Variants in SETD4 observed in about 807,000 individuals in gnomAD.
SETD4 encodes SET domain-containing protein 4.
SETD4 carries 46 observed loss-of-function variants against 58.3 expected under a neutral mutation model. The ratio of observed to expected loss-of-function variants is 0.79; its 90% CI spans 0.62 to 1.01. The LOEUF is 1.01. Ranked by LOEUF, SETD4 falls within the 50% of genes least tolerant of loss-of-function variation. The probability of loss-of-function intolerance (pLI) is 0.00; values close to 1 mark genes in which losing one functional copy is unlikely to be tolerated. For missense variants in SETD4, 490 were observed against 523.3 expected, an observed-to-expected ratio of 0.94 and a Z score of 0.62; for synonymous variants, 190 against 202.6, an observed-to-expected ratio of 0.94 and a Z score of 0.53.
In SETD4 at chr21:36,035,651, G is replaced by A. The variant is rs1299335485; in HGVS notation, c.*342C>T. ...CGCCAATCTGCCCCTTAACCCAATG[G>A]TATCAGAGCATCTTAAAAGCACAAC... On this transcript the variant is annotated 3_prime_UTR_variant, in exon 12 of 12. Transcript: ENST00000332131. 4.9e-6 allele frequency: 1 copy of A among 205,270 alleles called. No individual in the cohort carries two copies. 12.7% of individuals were successfully genotyped at this position (205,270 alleles called of 1,614,324 possible).
chr21:36,050,368 T>A (rs2064598153), intron 4 of SETD4: 3 of 1,613,954 alleles, frequency 1.9e-6, no homozygotes, highest in African/African-American at 2.7e-5. Flanking sequence ...GAGGTGGTGC[T>A]GACAATGGAG....
At chr21:36,050,331 C>G in intron 4 of SETD4, 1 of 1,612,968 alleles carries the variant, frequency 6.2e-7, no homozygotes, top group Non-Finnish European at 8.5e-7. Context: ...TGAGGAGGAA[C>G]TGGACTTTAG....
At chr21:36,057,926 A>G (rs1017699572) in intron 2 of SETD4, among the ~76,000 whole-genome samples, 3 of 152,254 alleles carry the variant, frequency 2.0e-5, no homozygotes, top group Non-Finnish European at 4.4e-5. Flanking sequence ...ATCTTGTACC[A>G]TATCCAGTTG....
At chr21:36,050,661 C>G (rs1486259178) in intron 4 of SETD4, 2 of 1,602,264 alleles carry the variant, frequency 1.2e-6, no homozygotes, top group Non-Finnish European at 1.7e-6. Context: ...TGATGAAGCT[C>G]AAGTACCGGA....
intron 3 of SETD4, among the ~76,000 whole-genome samples, chr21:36,056,485 CA>C (rs533020296): frequency 9.5e-4 from 144 of 152,280 alleles, no homozygotes; most frequent in African/African-American, 3.1e-3. Flanking sequence ...GTGGAGTGGC[CA>C]TGTATGCAGG....
At position 36,034,983 on chromosome 21, in the gene SETD4, G is replaced by A. The variant is rs1000470098; in HGVS notation, c.*1010C>T. 1 of 152,210 alleles carries A rather than the reference G, an allele frequency of 6.6e-6. No individual in the cohort carries two copies. Among genetic ancestry groups the A allele is most frequent in the Non-Finnish European group, 1.5e-5 (1 of 68,036 alleles). The allele number at this position is 152,210 out of a possible 1,614,324, so 9.4% of individuals were successfully genotyped here. A position where few individuals can be genotyped will look rare whatever the true frequency, so the allele number is the denominator to read the frequency against. ...GAAAGTTTTATTTTAAACTCTGCCT[G>A]CCTCCTGAGGCCAGCAGGTCCCGTT... On this transcript the variant is annotated 3_prime_UTR_variant, in exon 12 of 12. Coordinates refer to ENST00000332131, the MANE Select transcript of SETD4 (RefSeq NM_017438.5).
Position 36,060,168 on chromosome 21 carries a change from A to G in SETD4, c.-37+179T>C, listed in dbSNP as rs2065222229. 3.1e-6 allele frequency: 3 copies of G among 976,448 alleles called. No homozygotes were observed. The South Asian group carries it at 1.4e-4, about 46-fold the overall frequency. The allele number at this position is 976,448 out of a possible 1,614,324, so 60.5% of individuals were successfully genotyped here. ...CGGAGCAACATGCGCTAAGTGTAGG[A>G]CTCCACAAGATGAGAGGTTACTGCA... On this transcript the variant is annotated intron_variant, in intron 1 of 11. Transcript: ENST00000332131.
At chr21:36,050,968 A>ATCCG in intron 4 of SETD4, 1 of 1,608,344 alleles carries the variant, frequency 6.2e-7, no homozygotes. Flanking sequence ...CTAGCTATCC[A>ATCCG]GGTGTCTAAT....
At chr21:36,056,627 T>C (rs112284450) in intron 3 of SETD4, among the ~76,000 whole-genome samples, 4,490 of 152,282 alleles carry the variant, frequency 0.029, 103 homozygotes, top group African/African-American at 0.067. Flanking sequence ...GGCATGATCA[T>C]GGCTCTCTGC....
At position 36,036,183 on chromosome 21, in the gene SETD4, C is replaced by T. The variant is rs777365325; in HGVS notation, c.1257G>A (p.Thr419=). The change falls in exon 11 of 12, where the codon ACG becomes ACA. Residue 419 remains threonine, a synonymous_variant. Transcript: ENST00000332131. ...ATGCCCTGAGAATCTTTAGCTCTTC[C>T]GTCCACAAGGATTCCACCAAAGTTA... ...NQLTLVESLW[T]EELKILRASA... 23 of 1,613,784 alleles carry T rather than the reference C, an allele frequency of 1.4e-5. No homozygotes were observed. The highest frequency in any genetic ancestry group is 2.2e-5 in the South Asian group (2 of 90,970).
chr21:36,044,411 G>A (rs150525138), intron 6 of SETD4, among the ~76,000 whole-genome samples: 1,540 of 152,296 alleles, frequency 0.01, 15 homozygotes, highest in Middle Eastern at 0.031. Flanking sequence ...TGGGCCACAC[G>A]CCCACAGGCT....
Position 36,034,886 on chromosome 21 carries a change from AT to A in SETD4, c.*1106del, listed in dbSNP as rs1601178753. 2.0e-5 allele frequency: 3 copies of A among 152,352 alleles called. No homozygotes were observed. The highest frequency in any genetic ancestry group is 4.8e-5 in the African/African-American group (2 of 41,586). 9.4% of individuals were successfully genotyped at this position (152,352 alleles called of 1,614,324 possible). A position where few individuals can be genotyped will look rare whatever the true frequency, so the allele number is the denominator to read the frequency against. ...GCATTATACTGAATATTGAAAAAAA[AT>A]ATACTGCAGCTACTGAAAAATAAAC... On this transcript the variant is annotated 3_prime_UTR_variant, in exon 12 of 12. Transcript: ENST00000332131.
At chr21:36,051,153 ACCCAGCGTATGT>A in intron 4 of SETD4, 1 of 1,548,764 alleles carries the variant, frequency 6.5e-7, no homozygotes. Context: ...TGGCCAGCTC[ACCCAGCGTATGT>A]CCCTGCTCTC....
At chr21:36,038,730 C>T (rs2063899934) in intron 9 of SETD4, among the ~76,000 whole-genome samples, 2 of 152,188 alleles carry the variant, frequency 1.3e-5, no homozygotes, top group South Asian at 2.1e-4. Context: ...AAGCCAAATG[C>T]TCCATGTCTG....
At chr21:36,058,777 T>C in intron 2 of SETD4, 39 bp downstream of exon 2, 1 of 1,558,196 alleles carries the variant, frequency 6.4e-7, no homozygotes. Flanking sequence ...CACAAAAGGA[T>C]TTCTTTTTTC....
At chr21:36,054,396 G>C (rs1303634070) in intron 3 of SETD4, among the ~76,000 whole-genome samples, 3 of 152,230 alleles carry the variant, frequency 2.0e-5, no homozygotes. Context: ...GGCAGGCATA[G>C]GTATTACATG....
intron 3 of SETD4, among the ~76,000 whole-genome samples, chr21:36,055,435 T>C (rs1459171247): frequency 1.3e-5 from 2 of 152,144 alleles, no homozygotes; most frequent in East Asian, 3.9e-4. Flanking sequence ...TCAATCTACA[T>C]GGGAGGCCCT....
chr21:36,041,393 G>A lies in SETD4; in HGVS notation c.983+414C>T, dbSNP rs1447361503. Among the ~76,000 whole-genome samples the A allele has an allele frequency of 2.0e-5, 3 of 152,070 alleles. No homozygotes were observed. The East Asian group carries it at 5.8e-4, about 29-fold the overall frequency. On this transcript the variant is annotated intron_variant, in intron 8 of 11. Coordinates refer to ENST00000332131, the MANE Select transcript of SETD4 (RefSeq NM_017438.5). The stretch of plus-strand genomic sequence containing the variant: ...TCTGAAAGGGAGAGCCTTGAACCCT[G>A]TTTAGCCACTTGGCATGGAATCACC...
chr21:36,052,734 T>A (rs2064779634), intron 4 of SETD4, among the ~76,000 whole-genome samples: 1 of 152,112 alleles, frequency 6.6e-6, no homozygotes, highest in Admixed American at 6.5e-5. Flanking sequence ...GCGCTAGAGA[T>A]CTTTAAAATA....
Sources: gnomAD v4.1 joint callset for allele counts (sites outside exome capture counted in the v4.1 genomes callset) on GRCh38, gnomAD v4.1.1 for gene constraint, MANE v1.5 for transcripts, NCBI Gene and HGNC (gene_info 2026-07-23, HGNC 2026-07-21) for gene names.